PRKCZ: variants seen among roughly 807,000 people sequenced by gnomAD.
The protein encoded by PRKCZ is protein kinase C zeta type.
PRKCZ carries 33 observed loss-of-function variants against 79.5 expected under a neutral mutation model. That is an observed-to-expected ratio of 0.41 (90% CI 0.31 to 0.55). PRKCZ has a LOEUF of 0.55. PRKCZ is among the 20% of genes least tolerant of loss of function. The pLI is 0.19. For synonymous variants in PRKCZ, 342 were observed against 320.9 expected (o/e 1.07, Z -0.70); for missense variants, 578 against 813.5 (o/e 0.71, Z 3.52).
At position 2,174,445 on chromosome 1, in the gene PRKCZ, G is replaced by A. The variant is rs565552312; in HGVS notation, c.1406-309G>A. Among the ~76,000 whole-genome samples the A allele has an allele frequency of 1.1e-4, 16 of 152,374 alleles. No homozygotes were observed. The South Asian group carries it at 1.9e-3, about 18-fold the overall frequency. On this transcript the variant is annotated intron_variant, in intron 14 of 17. Transcript: ENST00000378567. The surrounding 1 kb of genome is among the most constrained non-coding windows in gnomAD (Gnocchi z 6.2). Reference sequence around the variant, plus strand: ...GTGGGGATGTGGGATCTGGGAACGCGGCTGTCTCCGCGGTGCCCTCTGGTG... The same window carrying A: ...GTGGGGATGTGGGATCTGGGAACGCAGCTGTCTCCGCGGTGCCCTCTGGTG...
At chr1:2,123,801 TGGTGGTTAGGGTCACGGC>T (rs1374741173) in intron 4 of PRKCZ, among the ~76,000 whole-genome samples, 2 of 11,282 alleles carry the variant, frequency 1.8e-4, no homozygotes, top group Non-Finnish European at 2.8e-4. Flanking sequence ...GTTAGGGTTG[TGGTGGTTAGGGTCACGGC>T]GGTGGTTAGG....
At chr1:2,144,762 C>A in intron 6 of PRKCZ, 1 of 532,178 alleles carries the variant, frequency 1.9e-6, no homozygotes, top group Non-Finnish European at 2.5e-6. Context: ...GAAGCCATGC[C>A]CAGCCTGTGA....
chr1:2,173,216 G>A lies in PRKCZ; in HGVS notation c.1286-681G>A, dbSNP rs540626420. On this transcript the variant is annotated intron_variant, in intron 13 of 17. Coordinates refer to ENST00000378567, the MANE Select transcript of PRKCZ (RefSeq NM_002744.6). The surrounding 1 kb of genome is among the most constrained non-coding windows in gnomAD (Gnocchi z 5.7). The stretch of plus-strand genomic sequence containing the variant: ...GGCAGGCAGGGCGGGCAGGTCACTC[G>A]CCGCTGGGATAACTGGGCTCCCCAG... Among the ~76,000 whole-genome samples the A allele has an allele frequency of 3.3e-5, 5 of 152,272 alleles. No individual in the cohort carries two copies. The highest frequency in any genetic ancestry group is 4.1e-4 in the South Asian group (2 of 4,830).
chr1:2,146,157 C>T, intron 7 of PRKCZ, 49 bp downstream of exon 7: 1 of 1,529,888 alleles, frequency 6.5e-7, no homozygotes, highest in Non-Finnish European at 9.1e-7. Flanking sequence ...ATCACCTCAC[C>T]CTGCTCACCT....
intron 4 of PRKCZ, among the ~76,000 whole-genome samples, chr1:2,096,638 G>A (rs1666573969): frequency 6.6e-6 from 1 of 152,184 alleles, no homozygotes; most frequent in Non-Finnish European, 1.5e-5. Flanking sequence ...AGCTCCTGTG[G>A]TCATCACTGC....
At chr1:2,092,407 CA>C (rs1418289631) in intron 4 of PRKCZ, among the ~76,000 whole-genome samples, 3 of 152,164 alleles carry the variant, frequency 2.0e-5, no homozygotes, top group Non-Finnish European at 2.9e-5. Flanking sequence ...CTGGCTGGGA[CA>C]AAGTGCGCAG....
In PRKCZ at chr1:2,175,387, C is replaced by T. The variant is rs1448505965; in HGVS notation, c.1575+74C>T. On this transcript the variant is annotated intron_variant, in intron 16 of 17. Transcript: ENST00000378567. Reference sequence around the variant, plus strand: ...AAATCTACCCAACCCCCATCCCAACCCCAACCCCAATATTCACCCAACCCC... The same window carrying T: ...AAATCTACCCAACCCCCATCCCAACTCCAACCCCAATATTCACCCAACCCC... The T allele has an allele frequency of 1.5e-5, 19 of 1,271,876 alleles. No homozygotes were observed. In the East Asian group the frequency reaches 4.8e-4, roughly 32 times the overall value. 78.8% of individuals were successfully genotyped at this position (1,271,876 alleles called of 1,614,324 possible).
At position 2,055,409 on chromosome 1, in the gene PRKCZ, G is replaced by A. The variant is rs201893395; in HGVS notation, c.72-32G>A. On this transcript the variant is annotated intron_variant, in intron 1 of 17. Transcript: ENST00000378567. ...TTAATTTGATTCAAATATGCCCCAC[G>A]GTAACAGATGCCCATGTCCCCTCTG... 283 of 1,568,292 alleles carry A rather than the reference G, an allele frequency of 1.8e-4. 1 individual carries two copies. Among genetic ancestry groups the A allele is most frequent in the Middle Eastern group, 1.7e-3 (10 of 5,874 alleles).
intron 16 of PRKCZ, chr1:2,182,062 A>C (rs1016820235): frequency 3.1e-6 from 1 of 325,630 alleles, no homozygotes; most frequent in Non-Finnish European, 6.2e-6. Flanking sequence ...CCTTACGTGG[A>C]AGGATTTGTC....
At chr1:2,108,934 T>G (rs1188133344) in intron 4 of PRKCZ, among the ~76,000 whole-genome samples, 1 of 152,120 alleles carries the variant, frequency 6.6e-6, no homozygotes, top group East Asian at 1.9e-4. Flanking sequence ...GGAGACCCCG[T>G]TTCCCGCCTT....
chr1:2,085,078 C>T (rs906280528), intron 4 of PRKCZ, among the ~76,000 whole-genome samples: 2 of 151,954 alleles, frequency 1.3e-5, no homozygotes, highest in Non-Finnish European at 2.9e-5. Flanking sequence ...CCAACATGAC[C>T]GACAAGGTGC....
At position 2,166,924 on chromosome 1, in the gene PRKCZ, C is replaced by G. The variant is rs187043461; in HGVS notation, c.975-2594C>G. 7.2e-5 allele frequency among the ~76,000 whole-genome samples: 11 copies of G among 152,378 alleles called. No homozygotes were observed. In the East Asian group the frequency reaches 2.1e-3, roughly 29 times the overall value. On this transcript the variant is annotated intron_variant, in intron 10 of 17. Transcript: ENST00000378567. ...GCCGAGCCCATGTGGATTACAGGTG[C>G]ACACCACCAGCGTGAGGAGAGGAGT... is the stretch of plus-strand genomic sequence containing the variant.
intron 4 of PRKCZ, among the ~76,000 whole-genome samples, chr1:2,096,110 G>A (rs190368324): frequency 0.011 from 1,612 of 151,718 alleles, 27 homozygotes; most frequent in African/African-American, 0.037. Flanking sequence ...AGCTGCCTAG[G>A]AAGGCAGTCA....
intron 4 of PRKCZ, among the ~76,000 whole-genome samples, chr1:2,102,948 C>G (rs528731969): frequency 2.6e-5 from 4 of 152,130 alleles, no homozygotes; most frequent in Non-Finnish European, 4.4e-5. Context: ...GGTACAATCA[C>G]GGCTCACTGC....
chr1:2,175,437 TATCC>T, intron 16 of PRKCZ, 124 bp downstream of exon 16: 1 of 679,006 alleles, frequency 1.5e-6, no homozygotes, highest in East Asian at 3.1e-5. Context: ...CGAACCCCAA[TATCC>T]ATCCCAACCC....
At chr1:2,087,335 G>A (rs1004203429) in intron 4 of PRKCZ, among the ~76,000 whole-genome samples, 6 of 151,988 alleles carry the variant, frequency 3.9e-5, no homozygotes, top group Admixed American at 3.9e-4. Context: ...CACCCACCTC[G>A]GCCTCCCAAA....
chr1:2,135,887 G>C (rs1023479968), intron 5 of PRKCZ, among the ~76,000 whole-genome samples: 4 of 152,152 alleles, frequency 2.6e-5, no homozygotes, highest in African/African-American at 9.7e-5. Flanking sequence ...CCTATGAAAT[G>C]GGTGATTCAG....
Position 2,055,575 on chromosome 1 carries a change from C to T in PRKCZ, c.193+13C>T, listed in dbSNP as rs1660087090. The T allele has an allele frequency of 6.2e-7, 1 of 1,609,018 alleles. No homozygotes were observed. The highest frequency in any genetic ancestry group is 8.5e-7 in the Non-Finnish European group (1 of 1,177,480). On this transcript the variant is annotated intron_variant, in intron 2 of 17. Coordinates refer to ENST00000378567, the MANE Select transcript of PRKCZ (RefSeq NM_002744.6). Reference sequence around the variant, plus strand: ...GTGGACAGCGAAGGTAGCCCTTGTCCCATGTTGGCCAGAATCCTCAGCCTC... The same window carrying T: ...GTGGACAGCGAAGGTAGCCCTTGTCTCATGTTGGCCAGAATCCTCAGCCTC...
intron 4 of PRKCZ, chr1:2,074,359 C>T (rs953132095): frequency 9.8e-6 from 15 of 1,523,790 alleles, no homozygotes; most frequent in Middle Eastern, 2.1e-4. Flanking sequence ...GTCTTGGGCT[C>T]GTCTGCCTGC....
Sources: gnomAD v4.1 joint callset for allele counts (sites outside exome capture counted in the v4.1 genomes callset) on GRCh38, gnomAD v4.1.1 for gene constraint, Gnocchi (gnomAD v3.1) non-coding constraint, MANE v1.5 for transcripts, NCBI Gene and HGNC (gene_info 2026-07-23, HGNC 2026-07-21) for gene names.